Variants in MAP9 observed in about 807,000 individuals in gnomAD.
MAP9 encodes the protein microtubule-associated protein 9.
Under a neutral mutation model 75.2 loss-of-function variants are expected in MAP9, and 80 were observed. The ratio of observed to expected loss-of-function variants is 1.06; its 90% CI spans 0.89 to 1.28. The LOEUF (loss-of-function observed/expected upper bound fraction) is 1.28, where lower values mean the gene tolerates loss of function less well. Ranked by LOEUF, MAP9 falls within the 50% of genes most tolerant of loss-of-function variation. The pLI, the probability that MAP9 is intolerant of heterozygous loss-of-function variation, is 0.00. For missense variants in MAP9, 753 were observed against 719.9 expected (o/e 1.05, Z -0.53); for synonymous variants, 235 against 237.3 (o/e 0.99, Z 0.09).
At chr4:155,357,197 G>A in intron 8 of MAP9, 2 of 411,716 alleles carry the variant, frequency 4.9e-6, no homozygotes, top group South Asian at 2.6e-5. Context: ...ATCCTGGAGA[G>A]CAAAGGTATT....
At chr4:155,351,135 A>G (rs1379188289) in intron 13 of MAP9, 1 of 151,934 alleles carries the variant, frequency 6.6e-6, no homozygotes, top group Non-Finnish European at 1.5e-5. Context: ...CTAATAATGG[A>G]AGTGTGGCAC....
At chr4:155,352,451 T>G in intron 13 of MAP9, 145 bp downstream of exon 13, 1 of 753,042 alleles carries the variant, frequency 1.3e-6, no homozygotes, top group East Asian at 2.9e-5. Context: ...ATATGCTATA[T>G]GCAGGAGGAG....
Position 155,373,422 on chromosome 4 carries a change from A to G in MAP9, c.195T>C (p.Asp65=). 1.9e-6 allele frequency: 3 copies of G among 1,589,166 alleles called. No homozygotes were observed. The highest frequency in any genetic ancestry group is 2.6e-6 in the Non-Finnish European group (3 of 1,168,160). Residue 65 remains aspartate (D), a synonymous_variant, in exon 4 of 14, where the codon GAT becomes GAC. Transcript: ENST00000311277. ...TCATTTTTTTATTAACTGAATTTTCATCTGCTGAAGTGTCAGAAAAATCAC... is the reference window on the plus strand; with the variant it reads ...TCATTTTTTTATTAACTGAATTTTCGTCTGCTGAAGTGTCAGAAAAATCAC... ...SLGDFSDTSA[D]ENSVNKKMND... is the part of the protein sequence containing the mutation.
At chr4:155,352,850 A>G (rs1007217126) in intron 12 of MAP9, 62 bp downstream of exon 12, 1 of 1,434,098 alleles carries the variant, frequency 7.0e-7, no homozygotes, top group African/African-American at 1.4e-5. Context: ...AATAAATTTT[A>G]TAAAATCCTG....
chr4:155,365,928 A>T (rs1484390352), intron 5 of MAP9, among the ~76,000 whole-genome samples: 1 of 152,104 alleles, frequency 6.6e-6, no homozygotes, highest in African/African-American at 2.4e-5. Flanking sequence ...TAAAAATAAA[A>T]GGCATCAAAA....
chr4:155,352,497 T>C, intron 13 of MAP9, 99 bp downstream of exon 13: 1 of 1,187,226 alleles, frequency 8.4e-7, no homozygotes, highest in Non-Finnish European at 1.2e-6. Context: ...CAGGTAGAAA[T>C]GATCAGTAGG....
chr4:155,371,120 G>C (rs1732572812), intron 4 of MAP9, among the ~76,000 whole-genome samples: 1 of 152,072 alleles, frequency 6.6e-6, no homozygotes, highest in Admixed American at 6.5e-5. Context: ...TCACTTTATA[G>C]AGCAACTGTC....
intron 13 of MAP9, chr4:155,351,129 T>C (rs889104455): frequency 6.6e-6 from 1 of 151,800 alleles, no homozygotes; most frequent in Non-Finnish European, 1.5e-5. Flanking sequence ...TCAAGCCTAA[T>C]AATGGAAGTG....
In MAP9 at chr4:155,347,191, T is replaced by G. The variant is rs527683624; in HGVS notation, c.*592A>C. ...TAAGCCTGGAACAGATAAAGTACAC[T>G]CATATTAAAACATAAGGCAAAATTC... On this transcript the variant is annotated 3_prime_UTR_variant, in exon 14 of 14. Coordinates refer to ENST00000311277, the MANE Select transcript of MAP9 (RefSeq NM_001039580.2). The G allele has an allele frequency of 1.4e-4, 21 of 152,256 alleles. No individual in the cohort carries two copies. The highest frequency in any genetic ancestry group is 5.1e-4 in the African/African-American group (21 of 41,556). The allele number at this position is 152,256 out of a possible 1,614,324, so 9.4% of individuals were successfully genotyped here.
chr4:155,357,423 A>G (rs764547392), intron 8 of MAP9, 26 bp downstream of exon 8: 2 of 1,407,404 alleles, frequency 1.4e-6, no homozygotes, highest in South Asian at 1.2e-5. Flanking sequence ...AAGCCCATAA[A>G]TGACAAATAT....
At chr4:155,376,476 T>C (rs1314452959) in intron 1 of MAP9, 1 of 152,266 alleles carries the variant, frequency 6.6e-6, no homozygotes, top group Non-Finnish European at 1.5e-5. Flanking sequence ...ATGAGCCGCA[T>C]TAAAATCGCG....
In MAP9 at chr4:155,347,704, T is replaced by G. The variant is rs1731331274; in HGVS notation, c.*79A>C. 2.3e-6 allele frequency: 3 copies of G among 1,305,206 alleles called. No individual in the cohort carries two copies. The South Asian group carries it at 4.8e-5, about 21-fold the overall frequency. 80.9% of individuals were successfully genotyped at this position (1,305,206 alleles called of 1,614,324 possible). ...TAATTAAAATATATTCCTCTAACTATAAATAATTGAATGGTTTTAAATCTA... is the reference window on the plus strand; with the variant it reads ...TAATTAAAATATATTCCTCTAACTAGAAATAATTGAATGGTTTTAAATCTA... On this transcript the variant is annotated 3_prime_UTR_variant, in exon 14 of 14. Transcript: ENST00000311277.
At chr4:155,363,092 A>C (rs1186496797) in intron 5 of MAP9, 2 of 152,204 alleles carry the variant, frequency 1.3e-5, no homozygotes, top group Non-Finnish European at 2.9e-5. Context: ...ATAGCAGAGG[A>C]CAGTGACCAC....
chr4:155,369,245 C>A (rs1316464561), intron 4 of MAP9, among the ~76,000 whole-genome samples: 1 of 151,062 alleles, frequency 6.6e-6, no homozygotes, highest in Non-Finnish European at 1.5e-5. Flanking sequence ...ATTGCTTGAA[C>A]CCAGGAGTCT....
chr4:155,359,274 G>T (rs1274085237), intron 7 of MAP9, among the ~76,000 whole-genome samples: 1 of 147,090 alleles, frequency 6.8e-6, no homozygotes, highest in Admixed American at 6.8e-5. Flanking sequence ...ACACAGAAAA[G>T]AAATAATATC....
chr4:155,345,538 A>G lies in MAP9; in HGVS notation c.*2245T>C, dbSNP rs1440998431. ...TCTTCCTAAAAATGTGTAATGTCAAATAACCATTATCAACCCTATCTATGT... is the reference window on the plus strand; with the variant it reads ...TCTTCCTAAAAATGTGTAATGTCAAGTAACCATTATCAACCCTATCTATGT... On this transcript the variant is annotated 3_prime_UTR_variant, in exon 14 of 14. Transcript: ENST00000311277. 2.6e-5 allele frequency: 4 copies of G among 152,062 alleles called. No homozygotes were observed. Among genetic ancestry groups the G allele is most frequent in the Admixed American group, 6.6e-5 (1 of 15,244 alleles). 9.4% of individuals were successfully genotyped at this position (152,062 alleles called of 1,614,324 possible). A position where few individuals can be genotyped will look rare whatever the true frequency, so the allele number is the denominator to read the frequency against.
In MAP9 at chr4:155,355,759, A is replaced by G; in HGVS notation, c.1247T>C (p.Ile416Thr). The G allele has an allele frequency of 6.2e-7, 1 of 1,613,886 alleles. No homozygotes were observed. The highest frequency in any genetic ancestry group is 1.7e-5 in the Admixed American group (1 of 59,984). ...TATGTTATCTGCTCTATCAGGTTCT[A>G]TGCTCTGTTTCTGTGAAGGTTTTTG... Reference protein sequence around the residue: ...LDQKPSQKQSIEPDRADNIRA... With the variant: ...LDQKPSQKQSTEPDRADNIRA... The change falls in exon 9 of 14, where the codon ATA becomes ACA. Residue 416 changes from isoleucine (I) to threonine (T), a missense_variant. Transcript: ENST00000311277.
rs1313451679 is a variant in MAP9 at position 155,368,597 on chromosome 4, G to A, written c.697C>T (p.Leu233Phe). The change falls in exon 5 of 14, where the codon CTT (leucine) becomes TTT (phenylalanine). Residue 233 changes from leucine to phenylalanine, a missense_variant. Physicochemically the swap from Leu to Phe is conservative, Grantham distance 22. Coordinates refer to ENST00000311277, the MANE Select transcript of MAP9 (RefSeq NM_001039580.2). ...EAEKKAFSEN[L>F]DPEDSCLTSL... ...GTGGTAGTGCTAACCTCAGGATCAA[G>A]GTTTTCAGAGAATGCTTTTTTCTCA... The A allele has an allele frequency of 9.9e-6, 16 of 1,613,598 alleles. No homozygotes were observed. The highest frequency in any genetic ancestry group is 1.3e-5 in the Non-Finnish European group (15 of 1,179,662).
At chr4:155,368,967 G>A (rs1732461975) in intron 4 of MAP9, 155 bp from the exon 5 acceptor site, 4 of 602,284 alleles carry the variant, frequency 6.6e-6, no homozygotes, top group African/African-American at 5.5e-5. Context: ...TCTATACAGA[G>A]CTCTAGTAAG....
Sources: allele counts gnomAD v4.1 joint callset (sites outside exome capture counted in the v4.1 genomes callset), GRCh38; gene constraint gnomAD v4.1.1; transcripts MANE v1.5; gene names NCBI Gene and HGNC (gene_info 2026-07-23, HGNC 2026-07-21).